Variants in XPO1 observed in about 807,000 individuals in gnomAD.
The protein encoded by XPO1 is exportin 1, also known as exportin-1.
Under a neutral mutation model 133.3 loss-of-function variants are expected in XPO1, and 5 were observed. That is an observed-to-expected ratio of 0.04 (90% CI 0.02 to 0.08). The LOEUF is 0.08. Ranked by LOEUF, XPO1 falls within the 10% of genes least tolerant of loss-of-function variation. The pLI is 1.00. For missense variants in XPO1, 506 were observed against 1,267.5 expected, an observed-to-expected ratio of 0.40 and a Z score of 9.12; for synonymous variants, 419 against 408.2, an observed-to-expected ratio of 1.03 and a Z score of -0.32.
At chr2:61,486,354 A>G (rs1339873660) in intron 19 of XPO1, among the ~76,000 whole-genome samples, 1 of 152,118 alleles carries the variant, frequency 6.6e-6, no homozygotes, top group African/African-American at 2.4e-5. Context: ...TCTCACAATA[A>G]GAAAAGTGAG....
chr2:61,511,444 T>C (rs1386011900), intron 4 of XPO1, among the ~76,000 whole-genome samples: 1 of 151,706 alleles, frequency 6.6e-6, no homozygotes, highest in East Asian at 1.9e-4. Flanking sequence ...TCAGATATTA[T>C]CACTCTGTTG....
chr2:61,515,937 CCA>C (rs35237510), intron 4 of XPO1, among the ~76,000 whole-genome samples: 230 of 110,752 alleles, frequency 2.1e-3, no homozygotes, highest in East Asian at 9.2e-3. Flanking sequence ...AAAAAAAAAA[CCA>C]CACACACACA....
chr2:61,499,557 G>C (rs1182050094), intron 7 of XPO1, among the ~76,000 whole-genome samples, 156 bp downstream of exon 7: 1 of 152,236 alleles, frequency 6.6e-6, no homozygotes, highest in Middle Eastern at 3.4e-3. Context: ...ATTAGGCCCC[G>C]TCTAGGACTA....
chr2:61,515,753 T>C (rs1167801775), intron 4 of XPO1, among the ~76,000 whole-genome samples: 1 of 151,872 alleles, frequency 6.6e-6, no homozygotes, highest in East Asian at 1.9e-4. Flanking sequence ...GACATGAAAC[T>C]GTACAACTCA....
At chr2:61,489,096 C>T (rs1362074928) in intron 17 of XPO1, among the ~76,000 whole-genome samples, 20 of 104,412 alleles carry the variant, frequency 1.9e-4, no homozygotes, top group Admixed American at 5.3e-4. Context: ...AGCAAGACTC[C>T]GTCTCAAAAA....
chr2:61,525,621 G>A, intron 3 of XPO1: 1 of 1,021,192 alleles, frequency 9.8e-7, no homozygotes, highest in Non-Finnish European at 1.2e-6. Context: ...AAATTTACCA[G>A]GCAAGCAAAC....
chr2:61,489,747 G>A (rs1696877754), intron 17 of XPO1, among the ~76,000 whole-genome samples: 1 of 151,748 alleles, frequency 6.6e-6, no homozygotes, highest in African/African-American at 2.4e-5. Flanking sequence ...GTAGAGACAG[G>A]GTTTCACTGC....
chr2:61,499,198 G>A (rs1326291035), intron 7 of XPO1, among the ~76,000 whole-genome samples: 1 of 152,116 alleles, frequency 6.6e-6, no homozygotes, highest in African/African-American at 2.4e-5. Flanking sequence ...TTTCTGTTTT[G>A]TTTTAAAAAG....
intron 4 of XPO1, among the ~76,000 whole-genome samples, chr2:61,507,364 A>G (rs1354491601): frequency 1.3e-5 from 2 of 152,004 alleles, no homozygotes; most frequent in Non-Finnish European, 2.9e-5. Flanking sequence ...GTTTGAGGAA[A>G]CGAGCTTGAG....
chr2:61,522,133 G>A (rs1420857041), intron 4 of XPO1, among the ~76,000 whole-genome samples: 1 of 150,442 alleles, frequency 6.6e-6, no homozygotes, highest in Non-Finnish European at 1.5e-5. Flanking sequence ...GCAGTGGCAG[G>A]ATCATGGCTC....
At position 61,481,200 on chromosome 2, in the gene XPO1, G is replaced by A; in HGVS notation, c.3054C>T (p.Phe1018=). Residue 1018 remains phenylalanine, a synonymous_variant, in exon 24 of 25, where the codon TTC becomes TTT. Coordinates refer to ENST00000401558, the MANE Select transcript of XPO1 (RefSeq NM_003400.4). ...AAATACATACCTTTATTTGAACTAGGAAATCTCTTAAATGTTCCTTGAAAG... is the reference window on the plus strand; with the variant it reads ...AAATACATACCTTTATTTGAACTAGAAAATCTCTTAAATGTTCCTTGAAAG... The part of the protein sequence containing the change: ...IPAFKEHLRD[F]LVQIKEFAGE... 1.9e-6 allele frequency: 3 copies of A among 1,607,038 alleles called. No homozygotes were observed. Among genetic ancestry groups the A allele is most frequent in the South Asian group, 1.1e-5 (1 of 90,178 alleles).
At chr2:61,519,170 C>CA (rs1558668276) in intron 4 of XPO1, among the ~76,000 whole-genome samples, 3 of 152,154 alleles carry the variant, frequency 2.0e-5, no homozygotes, top group Admixed American at 6.5e-5. Context: ...AGACTGGTCT[C>CA]AAACTCCTGA....
In XPO1 at chr2:61,482,414, T is replaced by A; in HGVS notation, c.2938A>T (p.Asn980Tyr). Residue 980 changes from asparagine to tyrosine, a missense_variant, in exon 23 of 25, where the codon AAT (asparagine) becomes TAT (tyrosine). Physicochemically the swap from Asn to Tyr is moderately radical, Grantham distance 143. Around this residue, in one of 6 missense-constraint regions of XPO1, gnomAD observed 203 missense variants for 365.9 expected, o/e 0.55. Coordinates refer to ENST00000401558, the MANE Select transcript of XPO1 (RefSeq NM_003400.4). ...TGAGGGAAGGCCGACTTAAGGAGAT[T>A]AGCCACATATTCCTGAAGAAAGATT... Reference protein sequence around the residue: ...NQIFLQEYVANLLKSAFPHLQ... With the variant: ...NQIFLQEYVAYLLKSAFPHLQ... 1 of 1,612,360 alleles carries A rather than the reference T, an allele frequency of 6.2e-7. No individual in the cohort carries two copies. The highest frequency in any genetic ancestry group is 8.5e-7 in the Non-Finnish European group (1 of 1,179,494).
At chr2:61,515,368 C>T (rs1698319412) in intron 4 of XPO1, among the ~76,000 whole-genome samples, 1 of 152,158 alleles carries the variant, frequency 6.6e-6, no homozygotes, top group South Asian at 2.1e-4. Flanking sequence ...CCTATTAGTT[C>T]CGTTTCTGAA....
intron 4 of XPO1, among the ~76,000 whole-genome samples, chr2:61,510,212 G>C (rs1698020262): frequency 6.6e-6 from 1 of 152,160 alleles, no homozygotes; most frequent in Non-Finnish European, 1.5e-5. Context: ...GGAAGGCAGA[G>C]GTTGCAGTGA....
intron 12 of XPO1, chr2:61,493,276 C>CT (rs1697080689): frequency 5.2e-6 from 2 of 386,768 alleles, no homozygotes. Context: ...CACCCAATCT[C>CT]TAAAACAATA....
intron 4 of XPO1, among the ~76,000 whole-genome samples, chr2:61,513,019 A>G (rs1698169140): frequency 6.6e-6 from 1 of 152,052 alleles, no homozygotes; most frequent in African/African-American, 2.4e-5. Flanking sequence ...ATAAACCTTG[A>G]CCCTTACCTC....
chr2:61,524,922 A>G (rs1186269760), intron 3 of XPO1, among the ~76,000 whole-genome samples: 1 of 151,702 alleles, frequency 6.6e-6, no homozygotes, highest in African/African-American at 2.4e-5. Context: ...TCTTCAAAGA[A>G]TTTTTTTTCT....
intron 4 of XPO1, among the ~76,000 whole-genome samples, chr2:61,516,299 C>T (rs1698386707): frequency 6.6e-6 from 1 of 151,478 alleles, no homozygotes; most frequent in Admixed American, 6.6e-5. Context: ...CAGCGAAACT[C>T]CGCCTCGAAA....
Sources: allele counts gnomAD v4.1 joint callset (sites outside exome capture counted in the v4.1 genomes callset), GRCh38; gene constraint gnomAD v4.1.1; regional missense constraint gnomAD v4.1.1; transcripts MANE v1.5; gene names NCBI Gene and HGNC (gene_info 2026-07-23, HGNC 2026-07-21).